Variants in CFAP96 observed in about 807,000 individuals in gnomAD.
The protein encoded by CFAP96 is cilia and flagella associated protein 96, also known as cilia-and flagella-associated protein 96.
the CFAP96 span, chr4:185,445,265 C>T: frequency 1.2e-6 from 1 of 813,190 alleles, no homozygotes; most frequent in Non-Finnish European, 1.9e-6. Flanking sequence ...CATCTCAGCT[C>T]CTTCCATGTA....
At chr4:185,441,333 T>C in the CFAP96 span, among the ~76,000 whole-genome samples, 9 of 152,304 alleles carry the variant, frequency 5.9e-5, no homozygotes, top group South Asian at 1.9e-3. Context: ...CTCTTCATTT[T>C]TCTTGCGGAC....
chr4:185,428,611 C>A, the CFAP96 span, among the ~76,000 whole-genome samples: 131,360 of 151,396 alleles, frequency 0.87, 57,468 homozygotes, highest in East Asian at 0.99. Flanking sequence ...TGTCTTAAAA[C>A]AATTAATTTC....
At chr4:185,408,542 T>G in the CFAP96 span, 1 of 1,154,032 alleles carries the variant, frequency 8.7e-7, no homozygotes, top group Non-Finnish European at 1.2e-6. Context: ...GACTGTTACT[T>G]TAGTTCCTTA....
chr4:185,435,941 AT>A, the CFAP96 span: 2 of 872,002 alleles, frequency 2.3e-6, no homozygotes, highest in Non-Finnish European at 3.3e-6. Flanking sequence ...TAAAACTAGC[AT>A]TTTTTTCTCT....
At chr4:185,437,325 A>T in the CFAP96 span, among the ~76,000 whole-genome samples, 1 of 152,240 alleles carries the variant, frequency 6.6e-6, no homozygotes, top group African/African-American at 2.4e-5. Flanking sequence ...CTATTTGTAA[A>T]TAAATAAAGG....
At chr4:185,426,811 C>G in the CFAP96 span, among the ~76,000 whole-genome samples, 11 of 145,160 alleles carry the variant, frequency 7.6e-5, no homozygotes, top group Non-Finnish European at 1.6e-4. Flanking sequence ...GCAGACGCAT[C>G]ACCTGCGCTC....
At chr4:185,408,957 G>C in the CFAP96 span, among the ~76,000 whole-genome samples, 2 of 151,878 alleles carry the variant, frequency 1.3e-5, no homozygotes, top group Non-Finnish European at 2.9e-5. Context: ...ATCATGACTT[G>C]ATATACTTTA....
the CFAP96 span, chr4:185,408,468 A>T: frequency 1.3e-6 from 2 of 1,596,328 alleles, no homozygotes; most frequent in Non-Finnish European, 1.7e-6. Context: ...GTAAAATATT[A>T]ACTTAGGATA....
At chr4:185,441,327 T>C in the CFAP96 span, among the ~76,000 whole-genome samples, 13 of 152,278 alleles carry the variant, frequency 8.5e-5, no homozygotes, top group Middle Eastern at 3.4e-3. Flanking sequence ...AATTGCCTCT[T>C]CATTTTTCTT....
chr4:185,432,175 C>A, the CFAP96 span: 1 of 1,551,654 alleles, frequency 6.4e-7, no homozygotes, highest in South Asian at 1.2e-5. Flanking sequence ...GCAAAGCATT[C>A]CTCCCTAGTA....
chr4:185,408,945 A>G, the CFAP96 span, among the ~76,000 whole-genome samples: 1 of 152,096 alleles, frequency 6.6e-6, no homozygotes, highest in African/African-American at 2.4e-5. Flanking sequence ...TTTTCAAAGT[A>G]TATCATGACT....
the CFAP96 span, chr4:185,436,290 A>G: frequency 6.4e-7 from 1 of 1,551,000 alleles, no homozygotes. Context: ...TTAGCTATGC[A>G]AATATTACCA....
chr4:185,432,106 C>T, the CFAP96 span: 13 of 1,551,532 alleles, frequency 8.4e-6, no homozygotes, highest in African/African-American at 1.1e-4. Context: ...GTGAAGGCTA[C>T]ATAAATCTGA....
chr4:185,415,954 T>A, the CFAP96 span: 1 of 1,186,696 alleles, frequency 8.4e-7, no homozygotes, highest in Non-Finnish European at 1.1e-6. Flanking sequence ...AAAAATGTAT[T>A]TATTATTAAG....
the CFAP96 span, among the ~76,000 whole-genome samples, chr4:185,433,727 C>T: frequency 1.3e-5 from 2 of 150,980 alleles, no homozygotes; most frequent in Non-Finnish European, 3.0e-5. Flanking sequence ...CATGGCGAAA[C>T]CCCGTCTCTA....
chr4:185,445,314 T>C, the CFAP96 span: 1 of 712,604 alleles, frequency 1.4e-6, no homozygotes. Context: ...CTCCCCCATC[T>C]TCTGAAATTC....
the CFAP96 span, among the ~76,000 whole-genome samples, chr4:185,409,975 A>G: frequency 6.6e-6 from 1 of 152,212 alleles, no homozygotes; most frequent in Admixed American, 6.5e-5. Context: ...ATGTCAGCCC[A>G]GTGATACTAC....
At chr4:185,447,285 C>G in the CFAP96 span, among the ~76,000 whole-genome samples, 4 of 151,884 alleles carry the variant, frequency 2.6e-5, no homozygotes, top group Non-Finnish European at 5.9e-5. Flanking sequence ...GGGTTCACGC[C>G]ATTCTCCTGC....
chr4:185,444,669 TCTAA>T, the CFAP96 span, among the ~76,000 whole-genome samples: 1 of 152,216 alleles, frequency 6.6e-6, no homozygotes, highest in Non-Finnish European at 1.5e-5. Flanking sequence ...AGACTCACTT[TCTAA>T]CTAAGTGATA....
Sources: gnomAD v4.1 joint callset for allele counts (sites outside exome capture counted in the v4.1 genomes callset) on GRCh38, gnomAD v4.1.1 for gene constraint, MANE v1.5 for transcripts, NCBI Gene and HGNC (gene_info 2026-07-23, HGNC 2026-07-21) for gene names.